GFAP: variants seen among roughly 807,000 people sequenced by gnomAD.
GFAP encodes the protein intermediate filament protein.
A neutral mutation model predicts 49.3 loss-of-function variants in GFAP; 38 were observed. That is an observed-to-expected ratio of 0.77 (90% CI 0.60 to 1.01). The LOEUF is 1.01. Among genes scored for constraint, GFAP ranks in the 50% least tolerant of loss-of-function variants. The probability of loss-of-function intolerance (pLI) is 0.00; values close to 1 mark genes in which losing one functional copy is unlikely to be tolerated. For synonymous variants in GFAP, 222 were observed against 236.4 expected, an observed-to-expected ratio of 0.94 and a Z score of 0.56; for missense variants, 463 against 579.1, an observed-to-expected ratio of 0.80 and a Z score of 2.06.
intron 5 of GFAP, 83 bp downstream of exon 5, chr17:44,911,589 C>A: frequency 6.3e-7 from 1 of 1,583,654 alleles, no homozygotes; most frequent in Non-Finnish European, 8.6e-7. Context: ...CCCAGGTCCT[C>A]GTCCCTGGCC....
chr17:44,908,172 C>A lies in GFAP; in HGVS notation c.1172-23G>T, dbSNP rs370086058. ...TTTCTGCAGATGTGGGGAGAGGAGG[C>A]CTCTCATGGACTTTCAGGGCATGAG... On this transcript the variant is annotated intron_variant, in intron 7 of 8. Transcript: ENST00000588735. The A allele has an allele frequency of 1.0e-5, 16 of 1,547,396 alleles. No individual in the cohort carries two copies. In the African/African-American group the frequency reaches 2.0e-4, roughly 20 times the overall value.
rs779408915 is a variant in GFAP at position 44,904,205 on chromosome 17, G to A, written c.*3142C>T. On this transcript the variant is annotated 3_prime_UTR_variant, in exon 9 of 9. Coordinates refer to ENST00000588735, the MANE Select transcript of GFAP (RefSeq NM_002055.5). ...TGAGGACTCAGGCCTGTACTTCTGC[G>A]GCACCCGCAAGGGGGACTACTTTTA... 16 of 1,550,500 alleles carry A rather than the reference G, an allele frequency of 1.0e-5. No homozygotes were observed. Among genetic ancestry groups the A allele is most frequent in the South Asian group, 8.3e-5 (7 of 84,024 alleles).
chr17:44,914,826 C>CCAG (rs1311197660), intron 1 of GFAP, 200 bp downstream of exon 1: 1 of 602,060 alleles, frequency 1.7e-6, no homozygotes, highest in Non-Finnish European at 2.9e-6. Flanking sequence ...AGAAGGCATG[C>CCAG]GGGCATCAGA....
rs1460213336 is a variant in GFAP at position 44,904,875 on chromosome 17, G to T, written c.*2472C>A. ...GGCATCTACTATTGCTGGAGGCAGG[G>T]TGTGCTAGTTGCTGGCTTCCGGCTG... On this transcript the variant is annotated 3_prime_UTR_variant, in exon 9 of 9. Transcript: ENST00000588735. 1.3e-6 allele frequency: 2 copies of T among 1,550,650 alleles called. No homozygotes were observed. The highest frequency in any genetic ancestry group is 8.7e-7 in the Non-Finnish European group (1 of 1,146,994).
At chr17:44,909,963 G>A in intron 7 of GFAP, 4 of 1,464,334 alleles carry the variant, frequency 2.7e-6, no homozygotes, top group Non-Finnish European at 3.6e-6. Flanking sequence ...TTAATGTACA[G>A]TTACTCTGTA....
chr17:44,907,652 G>A (rs1174772552), intron 8 of GFAP: 5 of 585,100 alleles, frequency 8.5e-6, no homozygotes, highest in Admixed American at 5.7e-5. Flanking sequence ...TGGCGGATAC[G>A]CCAAATCCCC....
At chr17:44,914,182 AC>A (rs2051850969) in intron 1 of GFAP, 94 bp from the exon 2 acceptor site, 4 of 850,146 alleles carry the variant, frequency 4.7e-6, no homozygotes, top group Non-Finnish European at 3.9e-6. Flanking sequence ...CACAGAGACC[AC>A]CCCCACCCAG....
chr17:44,903,379 G>A lies in GFAP; in HGVS notation c.*3968C>T, dbSNP rs1486668504. The A allele has an allele frequency of 2.4e-6, 3 of 1,247,862 alleles. No homozygotes were observed. Among genetic ancestry groups the A allele is most frequent in the South Asian group, 3.8e-5 (1 of 26,220 alleles). The allele number at this position is 1,247,862 out of a possible 1,614,324, so 77.3% of individuals were successfully genotyped here. A position where few individuals can be genotyped will look rare whatever the true frequency, so the allele number is the denominator to read the frequency against. ...TCAGCTCAGGTCCAGCCAGCCTCCC[G>A]GATGGCCAGATATGCAGGAGGGTGG... On this transcript the variant is annotated 3_prime_UTR_variant, in exon 9 of 9. Transcript: ENST00000588735.
chr17:44,913,153 G>T, intron 4 of GFAP, 116 bp downstream of exon 4: 2 of 1,037,426 alleles, frequency 1.9e-6, no homozygotes, highest in Non-Finnish European at 3.0e-6. Flanking sequence ...TCTGGTGAAA[G>T]TCAGTCACCT....
intron 3 of GFAP, 21 bp from the exon 4 acceptor site, chr17:44,913,451 G>T: frequency 6.2e-7 from 1 of 1,605,338 alleles, no homozygotes; most frequent in African/African-American, 1.3e-5. Flanking sequence ...TGAGAGAAGC[G>T]GTACCAGGGC....
rs753047174 is a variant in GFAP at position 44,913,838 on chromosome 17, G to A, written c.523-15C>T. On this transcript the variant is annotated splice_polypyrimidine_tract_variant and intron_variant, in intron 2 of 8. Transcript: ENST00000588735. The stretch of plus-strand genomic sequence containing the variant: ...TCATCTGCTTCCTGGAGTGGCAGGA[G>A]GGGTGAGGAGTAGAGGGCCACTGGG... 1.2e-6 allele frequency: 2 copies of A among 1,603,112 alleles called. No individual in the cohort carries two copies. Among genetic ancestry groups the A allele is most frequent in the African/African-American group, 1.3e-5 (1 of 74,752 alleles).
Position 44,904,096 on chromosome 17 carries a change from G to C in GFAP, c.*3251C>G, listed in dbSNP as rs535786561. On this transcript the variant is annotated 3_prime_UTR_variant, in exon 9 of 9. Coordinates refer to ENST00000588735, the MANE Select transcript of GFAP (RefSeq NM_002055.5). The stretch of plus-strand genomic sequence containing the variant: ...ACTTTGATGGGCGGGTGCTGACGGA[G>C]GCAGCCCAGGTACGTGTGGGCAGCG... 2.0e-5 allele frequency: 31 copies of C among 1,550,654 alleles called. 1 individual carries two copies. The Admixed American group carries it at 3.5e-4, about 18-fold the overall frequency.
chr17:44,914,123 C>G (rs1461568378), intron 1 of GFAP, 35 bp from the exon 2 acceptor site: 23 of 1,466,824 alleles, frequency 1.6e-5, no homozygotes, highest in Middle Eastern at 1.7e-4. Context: ...GGTCCAGGCT[C>G]TTCTGAGGAC....
chr17:44,907,109 T>C lies in GFAP; in HGVS notation c.*238A>G. The C allele has an allele frequency of 1.7e-6, 1 of 580,714 alleles. No homozygotes were observed. Among genetic ancestry groups the C allele is most frequent in the Non-Finnish European group, 3.1e-6 (1 of 321,948 alleles). 36.0% of individuals were successfully genotyped at this position (580,714 alleles called of 1,614,324 possible). A position where few individuals can be genotyped will look rare whatever the true frequency, so the allele number is the denominator to read the frequency against. ...GGCCATGCCCCTCCAGACTGCCCCT[T>C]GGGGGTGAGTTTCTTGTTAGTTGGA... On this transcript the variant is annotated 3_prime_UTR_variant, in exon 9 of 9. Coordinates refer to ENST00000588735, the MANE Select transcript of GFAP (RefSeq NM_002055.5).
At position 44,904,690 on chromosome 17, in the gene GFAP, C is replaced by T; in HGVS notation, c.*2657G>A. ...AGAGACTGGGCCATGGACTCATCATCTCCTGTCCTGGGGCCCGGCCAGAGC... is the reference window on the plus strand; with the variant it reads ...AGAGACTGGGCCATGGACTCATCATTTCCTGTCCTGGGGCCCGGCCAGAGC... On this transcript the variant is annotated 3_prime_UTR_variant, in exon 9 of 9. Transcript: ENST00000588735. The T allele has an allele frequency of 1.9e-6, 3 of 1,550,602 alleles. No homozygotes were observed. The highest frequency in any genetic ancestry group is 2.6e-6 in the Non-Finnish European group (3 of 1,147,002).
Position 44,905,069 on chromosome 17 carries a change from T to G in GFAP, c.*2278A>C, listed in dbSNP as rs1196056652. 35 of 1,534,952 alleles carry G rather than the reference T, an allele frequency of 2.3e-5. No individual in the cohort carries two copies. Among genetic ancestry groups the G allele is most frequent in the Non-Finnish European group, 2.6e-5 (30 of 1,136,448 alleles). ...TCACTGTTGTCCCAGCTTCTCCCCC[T>G]AGGAGCTCTCTTCAGCTCTGAAGAC... is the stretch of plus-strand genomic sequence containing the variant. On this transcript the variant is annotated 3_prime_UTR_variant, in exon 9 of 9. Coordinates refer to ENST00000588735, the MANE Select transcript of GFAP (RefSeq NM_002055.5).
Position 44,913,432 on chromosome 17 carries a change from T to C in GFAP, c.619-2A>G. 6.2e-7 allele frequency: 1 copy of C among 1,613,918 alleles called. No individual in the cohort carries two copies. The highest frequency in any genetic ancestry group is 8.5e-7 in the Non-Finnish European group (1 of 1,179,948). ...CTGCTCCTGGAGTTCCCGAACCTCCTGACCAGGGTGAGAGAAGCGGTACCA... is the reference window on the plus strand; with the variant it reads ...CTGCTCCTGGAGTTCCCGAACCTCCCGACCAGGGTGAGAGAAGCGGTACCA... On this transcript the variant is annotated splice_acceptor_variant, in intron 3 of 8. Coordinates refer to ENST00000588735, the MANE Select transcript of GFAP (RefSeq NM_002055.5). LOFTEE classifies it high-confidence loss of function.
chr17:44,910,888 GA>G, intron 6 of GFAP: 2 of 631,986 alleles, frequency 3.2e-6, no homozygotes, highest in Non-Finnish European at 2.7e-6. Flanking sequence ...AAGGAAGATG[GA>G]AAAGGGAGGG....
rs577895232 is a variant in GFAP at position 44,911,664 on chromosome 17, G to C, written c.906+8C>G. 281 of 1,611,760 alleles carry C rather than the reference G, an allele frequency of 1.7e-4. 2 individuals are homozygous for C. The South Asian group carries it at 3.0e-3, about 17-fold the overall frequency. ...CGCCCGTCCCCGTCCTGCCCTGGCC[G>C]CGCTCACCGTGCCGCGCAGAGACTC... On this transcript the variant is annotated splice_region_variant and intron_variant, in intron 5 of 8. Transcript: ENST00000588735.
Sources: gnomAD v4.1 joint callset for allele counts on GRCh38, gnomAD v4.1.1 for gene constraint, MANE v1.5 for transcripts, NCBI Gene and HGNC (gene_info 2026-07-23, HGNC 2026-07-21) for gene names.